The following THADA variants were observed in gnomAD, a reference collection of about 807,000 sequenced individuals.
THADA encodes tRNA (32-2'-O)-methyltransferase regulator THADA.
In THADA, 213 loss-of-function variants were observed where a neutral mutation model predicts 219.8. The ratio of observed to expected loss-of-function variants is 0.97; its 90% CI spans 0.87 to 1.09. The LOEUF (loss-of-function observed/expected upper bound fraction) is 1.09, where lower values mean the gene tolerates loss of function less well. THADA is among the 50% of genes least tolerant of loss of function. The probability of loss-of-function intolerance (pLI) is 0.00; values close to 1 mark genes in which losing one functional copy is unlikely to be tolerated. For synonymous variants in THADA, 1,018 were observed against 828.9 expected, an observed-to-expected ratio of 1.23 and a Z score of -3.92; for missense variants, 2,956 against 2,311.3, an observed-to-expected ratio of 1.28 and a Z score of -5.72.
chr2:43,385,463 C>T (rs1197036342), intron 29 of THADA, among the ~76,000 whole-genome samples: 3 of 151,908 alleles, frequency 2.0e-5, no homozygotes, highest in African/African-American at 2.4e-5. Flanking sequence ...AAAAATTAGC[C>T]GGGTGTGGTG....
chr2:43,430,511 A>G, intron 26 of THADA: 1 of 542,118 alleles, frequency 1.8e-6, no homozygotes, highest in Non-Finnish European at 3.3e-6. Flanking sequence ...ATGAACTTTT[A>G]TCTCAAAATT....
At position 43,268,570 on chromosome 2, in the gene THADA, G is replaced by C. The variant is rs546639890; in HGVS notation, c.5296+11195C>G. ...ACAATCCACCAAGCATCTTCTGGGA[G>C]ATTTGAGAACAGAATTGGAGTTTGG... On this transcript the variant is annotated intron_variant, in intron 36 of 37. Coordinates refer to ENST00000405975, the MANE Select transcript of THADA (RefSeq NM_022065.5). Among the ~76,000 whole-genome samples the C allele has an allele frequency of 6.0e-4, 92 of 152,360 alleles. 1 individual carries two copies. The highest frequency in any genetic ancestry group is 2.2e-3 in the African/African-American group (91 of 41,596).
chr2:43,593,661 T>A (rs917021128), intron 1 of THADA, among the ~76,000 whole-genome samples: 3 of 137,918 alleles, frequency 2.2e-5, no homozygotes, highest in Admixed American at 7.9e-5. Context: ...TGAGACGGAG[T>A]CTTGCTCCTT....
intron 29 of THADA, among the ~76,000 whole-genome samples, chr2:43,390,649 A>G (rs1673260961): frequency 6.6e-6 from 1 of 152,142 alleles, no homozygotes; most frequent in Admixed American, 6.5e-5. Flanking sequence ...ATTTACTATA[A>G]TAAGTTCTGA....
intron 26 of THADA, among the ~76,000 whole-genome samples, chr2:43,472,495 G>A (rs989114554): frequency 6.6e-6 from 1 of 152,188 alleles, no homozygotes; most frequent in Non-Finnish European, 1.5e-5. Flanking sequence ...TGAAGTGTTT[G>A]AAGCTAAACG....
At chr2:43,497,201 G>A (rs907578680) in intron 25 of THADA, among the ~76,000 whole-genome samples, 1 of 152,034 alleles carries the variant, frequency 6.6e-6, no homozygotes, top group African/African-American at 2.4e-5. Flanking sequence ...ATACCCAAAG[G>A]AATATAAATC....
chr2:43,299,872 CA>C (rs11286865), intron 31 of THADA, among the ~76,000 whole-genome samples: 151,035 of 151,042 alleles, frequency 1, 75,514 homozygotes, highest in Non-Finnish European at 1. Flanking sequence ...ACTAAAAATA[CA>C]AAAAATTAGC....
At chr2:43,513,068 C>A (rs1018035477) in intron 22 of THADA, among the ~76,000 whole-genome samples, 10 of 152,160 alleles carry the variant, frequency 6.6e-5, no homozygotes, top group Admixed American at 5.9e-4. Context: ...AGTAGCTGTA[C>A]AATCCAAGGC....
intron 28 of THADA, among the ~76,000 whole-genome samples, chr2:43,407,145 G>T (rs1354952590): frequency 1.3e-5 from 2 of 152,114 alleles, no homozygotes; most frequent in Non-Finnish European, 2.9e-5. Context: ...AGTTCTCAAA[G>T]TGATTTAATA....
Position 43,292,867 on chromosome 2 carries a change from G to A in THADA, c.4785C>T (p.Ala1595=), listed in dbSNP as rs760108345. The stretch of plus-strand genomic sequence containing the variant: ...AGCATTCTGGGTGATTTTCCTTCAT[G>A]GCCAACAATAAGAACTTCTCTCCCA... The part of the protein sequence containing the change: ...CNMGEKFLLL[A]MKENHPECFC... The change falls in exon 32 of 38, where the codon GCC becomes GCT. Residue 1595 remains alanine (A), a synonymous_variant. Transcript: ENST00000405975. 1.9e-6 allele frequency: 3 copies of A among 1,613,568 alleles called. No homozygotes were observed. The highest frequency in any genetic ancestry group is 2.5e-6 in the Non-Finnish European group (3 of 1,179,872).
intron 30 of THADA, among the ~76,000 whole-genome samples, chr2:43,326,662 T>C (rs968074300): frequency 4.6e-5 from 7 of 152,036 alleles, no homozygotes; most frequent in African/African-American, 1.7e-4. Context: ...GGAAATGATA[T>C]GGGATGAGTC....
intron 10 of THADA, among the ~76,000 whole-genome samples, chr2:43,576,379 CCTT>C (rs1237800632): frequency 1.3e-5 from 2 of 152,110 alleles, no homozygotes; most frequent in African/African-American, 4.8e-5. Context: ...AGTCAGAAGA[CCTT>C]CTAAGATTGC....
chr2:43,538,557 G>A (rs565020644), intron 21 of THADA: 6 of 152,240 alleles, frequency 3.9e-5, no homozygotes, highest in Admixed American at 2.6e-4. Context: ...TGTTGCTTGC[G>A]AAAATTTACC....
intron 31 of THADA, among the ~76,000 whole-genome samples, chr2:43,316,305 TTA>T: frequency 6.6e-6 from 1 of 152,348 alleles, no homozygotes; most frequent in East Asian, 1.9e-4. Context: ...TTGCACCTAC[TTA>T]TAAGACCAAG....
intron 13 of THADA, 151 bp downstream of exon 13, chr2:43,571,556 G>C (rs1699302232): frequency 1.5e-6 from 1 of 657,948 alleles, no homozygotes; most frequent in South Asian, 2.8e-5. Context: ...TATGGAATGA[G>C]AGAACAGGTC....
intron 31 of THADA, among the ~76,000 whole-genome samples, chr2:43,303,637 A>G (rs1676508913): frequency 6.7e-6 from 1 of 149,516 alleles, no homozygotes. Flanking sequence ...GGGCATTCTG[A>G]AAAAAAAATG....
intron 29 of THADA, among the ~76,000 whole-genome samples, chr2:43,367,617 GA>G (rs1020147941): frequency 3.0e-4 from 46 of 152,252 alleles, no homozygotes; most frequent in African/African-American, 1.1e-3. Context: ...GTGCTGATTT[GA>G]AATACCAAGG....
chr2:43,420,229 C>A (rs190347765), intron 28 of THADA, among the ~76,000 whole-genome samples: 2 of 152,232 alleles, frequency 1.3e-5, no homozygotes, highest in Admixed American at 6.5e-5. Flanking sequence ...TCTTTGTAGG[C>A]CTCAGTCCTT....
At chr2:43,442,067 T>C (rs148537006) in intron 26 of THADA, among the ~76,000 whole-genome samples, 7 of 152,270 alleles carry the variant, frequency 4.6e-5, no homozygotes, top group Non-Finnish European at 7.4e-5. Context: ...GTGAATGATA[T>C]TTACAATAAG....
Sources: allele counts gnomAD v4.1 joint callset (sites outside exome capture counted in the v4.1 genomes callset), GRCh38; gene constraint gnomAD v4.1.1; transcripts MANE v1.5; gene names NCBI Gene and HGNC (gene_info 2026-07-23, HGNC 2026-07-21).